Variants in RNF216 observed in about 807,000 individuals in gnomAD.
RNF216 encodes ring finger protein 216.
RNF216 carries 72 observed loss-of-function variants against 110.8 expected under a neutral mutation model. The observed-to-expected ratio is 0.65, with a 90% CI of 0.54 to 0.79. RNF216 has a LOEUF of 0.79. Among genes scored for constraint, RNF216 ranks in the 30% least tolerant of loss-of-function variants. The pLI is 0.00. For missense variants in RNF216, 1,342 were observed against 1,141.2 expected, an observed-to-expected ratio of 1.18 and a Z score of -2.54; for synonymous variants, 495 against 407.5, an observed-to-expected ratio of 1.21 and a Z score of -2.59.
rs1793975524 is a variant in RNF216, at chr7:5,729,706, A to T, written c.1225-110T>A. On this transcript the variant is annotated intron_variant, in intron 6 of 16. Coordinates refer to ENST00000389902, the MANE Select transcript of RNF216 (RefSeq NM_207111.4). ...GAAAAGAATAACATTTGTTCTAATT[A>T]CTCTATAAGGAAGTTACCAGCCCTA... is the stretch of plus-strand genomic sequence containing the variant. 4.1e-5 allele frequency: 40 copies of T among 980,716 alleles called. No homozygotes were observed. In the South Asian group the frequency reaches 6.3e-4, roughly 15 times the overall value. The allele number at this position is 980,716 out of a possible 1,614,324, so 60.8% of individuals were successfully genotyped here.
intron 13 of RNF216, among the ~76,000 whole-genome samples, chr7:5,662,977 C>G (rs778547772): frequency 6.6e-6 from 1 of 152,136 alleles, no homozygotes; most frequent in East Asian, 1.9e-4. Context: ...ACCCACACCC[C>G]CTATGCCCTC....
chr7:5,660,734 T>C (rs1789063803), intron 13 of RNF216, among the ~76,000 whole-genome samples: 1 of 151,960 alleles, frequency 6.6e-6, no homozygotes, highest in African/African-American at 2.4e-5. Flanking sequence ...TGCACCACCA[T>C]GCCTGGCTAA....
chr7:5,643,426 C>A (rs1009412632), intron 14 of RNF216, among the ~76,000 whole-genome samples: 23 of 151,466 alleles, frequency 1.5e-4, no homozygotes, highest in African/African-American at 5.1e-4. Context: ...CGGGGCAGGA[C>A]AGGAAGAGAA....
intron 3 of RNF216, among the ~76,000 whole-genome samples, chr7:5,750,410 G>C (rs1795268399): frequency 6.6e-6 from 1 of 152,332 alleles, no homozygotes; most frequent in South Asian, 2.1e-4. Flanking sequence ...TGGTTAGTCA[G>C]GCAAACTGGT....
chr7:5,762,863 G>A (rs1309333724), intron 1 of RNF216, among the ~76,000 whole-genome samples: 1 of 152,138 alleles, frequency 6.6e-6, no homozygotes, highest in Non-Finnish European at 1.5e-5. Context: ...AAGCAAACAA[G>A]ACAAAACATG....
chr7:5,723,196 G>T (rs1584514044), intron 8 of RNF216, among the ~76,000 whole-genome samples: 1 of 152,230 alleles, frequency 6.6e-6, no homozygotes, highest in East Asian at 1.9e-4. Context: ...TTAGAAAAGT[G>T]ACTGGTACAT....
At chr7:5,633,517 G>C (rs1787205982) in intron 15 of RNF216, among the ~76,000 whole-genome samples, 1 of 152,142 alleles carries the variant, frequency 6.6e-6, no homozygotes, top group African/African-American at 2.4e-5. Context: ...TCAGGCTGCA[G>C]TGAGCCGAGA....
At chr7:5,773,840 A>G (rs990049036) in intron 1 of RNF216, among the ~76,000 whole-genome samples, 1 of 152,164 alleles carries the variant, frequency 6.6e-6, no homozygotes, top group Non-Finnish European at 1.5e-5. Context: ...GTCCTGGGAT[A>G]ACAGGCGAGT....
intron 11 of RNF216, among the ~76,000 whole-genome samples, chr7:5,714,564 T>A (rs1000127220): frequency 2.0e-5 from 3 of 152,228 alleles, no homozygotes; most frequent in Non-Finnish European, 4.4e-5. Flanking sequence ...AAAAGTCATC[T>A]TCTTAATCAC....
In RNF216 at chr7:5,660,981, C is replaced by T. The variant is rs564833145; in HGVS notation, c.2062-8471G>A. ...TTTTTTTTTTTTTGAAACAGCATCT[C>T]GCTTTGTCACCCAGGCTGGAGTAAA... On this transcript the variant is annotated intron_variant, in intron 13 of 16. Coordinates refer to ENST00000389902, the MANE Select transcript of RNF216 (RefSeq NM_207111.4). Among the ~76,000 whole-genome samples the T allele has an allele frequency of 2.1e-4, 25 of 120,278 alleles. No individual in the cohort carries two copies. The East Asian group carries it at 4.8e-3, about 23-fold the overall frequency. The allele number at this position is 120,278 out of a possible 152,430, so 78.9% of individuals were successfully genotyped here.
chr7:5,755,732 T>G (rs1024799262), intron 2 of RNF216, among the ~76,000 whole-genome samples: 1 of 152,238 alleles, frequency 6.6e-6, no homozygotes, highest in Non-Finnish European at 1.5e-5. Flanking sequence ...CAGTTTAGGC[T>G]ACTGTGGATA....
chr7:5,682,050 CA>C (rs139029849), intron 13 of RNF216, among the ~76,000 whole-genome samples: 1 of 152,340 alleles, frequency 6.6e-6, no homozygotes, highest in African/African-American at 2.4e-5. Flanking sequence ...TGCCTCTTCT[CA>C]GGGTGGGGAT....
At chr7:5,734,096 C>A (rs1363435818) in intron 5 of RNF216, among the ~76,000 whole-genome samples, 1 of 152,138 alleles carries the variant, frequency 6.6e-6, no homozygotes, top group Admixed American at 6.5e-5. Flanking sequence ...TGCTGGAAGA[C>A]ACAAACATAG....
rs760685458 is a variant in RNF216, at chr7:5,690,632, A to G, written c.2061+21129T>C. 1.6e-4 allele frequency among the ~76,000 whole-genome samples: 24 copies of G among 152,198 alleles called. 1 individual carries two copies. The highest frequency in any genetic ancestry group is 7.2e-4 in the Admixed American group (11 of 15,276). On this transcript the variant is annotated intron_variant, in intron 13 of 16. Coordinates refer to ENST00000389902, the MANE Select transcript of RNF216 (RefSeq NM_207111.4). ...AAGCATCACATAACCCTAAATAGTA[A>G]GCAGGACTGGCACTGTTATCCCATT...
At chr7:5,625,526 C>A (rs141182966) in intron 15 of RNF216, among the ~76,000 whole-genome samples, 2 of 152,174 alleles carry the variant, frequency 1.3e-5, no homozygotes, top group Non-Finnish European at 2.9e-5. Flanking sequence ...GCAGCCCCAT[C>A]GAGGGCTAAC....
chr7:5,626,686 GAAGA>G (rs1253906259), intron 15 of RNF216, among the ~76,000 whole-genome samples: 1 of 151,614 alleles, frequency 6.6e-6, no homozygotes, highest in African/African-American at 2.4e-5. Flanking sequence ...AAAAAAAAAG[GAAGA>G]AAGAAAAAAG....
At chr7:5,647,248 T>A (rs1788104889) in intron 14 of RNF216, among the ~76,000 whole-genome samples, 1 of 152,132 alleles carries the variant, frequency 6.6e-6, no homozygotes, top group African/African-American at 2.4e-5. Flanking sequence ...TTGAGTGTAT[T>A]TTTTGAGAAG....
chr7:5,712,327 C>G (rs1180274651), intron 12 of RNF216, among the ~76,000 whole-genome samples: 1 of 152,022 alleles, frequency 6.6e-6, no homozygotes, highest in Non-Finnish European at 1.5e-5. Flanking sequence ...TAAAAATAAG[C>G]TGGAATGTGG....
intron 1 of RNF216, among the ~76,000 whole-genome samples, chr7:5,763,216 G>A (rs574566364): frequency 7.9e-5 from 12 of 152,256 alleles, no homozygotes; most frequent in East Asian, 7.7e-4. Flanking sequence ...GAACCTTTCC[G>A]GGTTAAGTCA....
Sources: gnomAD v4.1 joint callset for allele counts (sites outside exome capture counted in the v4.1 genomes callset) on GRCh38, gnomAD v4.1.1 for gene constraint, MANE v1.5 for transcripts, NCBI Gene and HGNC (gene_info 2026-07-23, HGNC 2026-07-21) for gene names.